PDE4D: variants seen among roughly 807,000 people sequenced by gnomAD.
PDE4D encodes the protein phosphodiesterase 4D.
A neutral mutation model predicts 87.4 loss-of-function variants in PDE4D; 24 were observed. The ratio of observed to expected loss-of-function variants is 0.27; its 90% CI spans 0.20 to 0.39. The LOEUF (loss-of-function observed/expected upper bound fraction) is 0.39, where lower values mean the gene tolerates loss of function less well. PDE4D is among the 10% of genes least tolerant of loss of function. PDE4D has a pLI of 1.00. For synonymous variants in PDE4D, 384 were observed against 383.2 expected, an observed-to-expected ratio of 1.00 and a Z score of -0.02; for missense variants, 714 against 1,041.0, an observed-to-expected ratio of 0.69 and a Z score of 4.32.
At position 60,014,091 on chromosome 5, in the gene PDE4D, T is replaced by A. The variant is rs569693027; in HGVS notation, c.43-25374A>T. 8.6e-3 allele frequency among the ~76,000 whole-genome samples: 826 copies of A among 96,400 alleles called. 9 individuals carry two copies. The highest frequency in any genetic ancestry group is 0.031 in the African/African-American group (773 of 25,156). 63.2% of individuals were successfully genotyped at this position (96,400 alleles called of 152,430 possible). ...CTGGCAACAGAGCAAGACTCCACCT[T>A]AAAAAAAAAAAAAAAAAAAAAAAGT... On this transcript the variant is annotated intron_variant, in intron 2 of 16. Transcript: ENST00000502484.
intron 6 of PDE4D, among the ~76,000 whole-genome samples, chr5:59,014,048 CAT>C (rs1345493960): frequency 3.3e-5 from 5 of 152,214 alleles, no homozygotes; most frequent in Non-Finnish European, 7.3e-5. Flanking sequence ...ACAAAAACCA[CAT>C]GATTATCTCA....
chr5:59,658,853 T>C (rs1447052426), intron 1 of PDE4D, among the ~76,000 whole-genome samples: 7 of 151,966 alleles, frequency 4.6e-5, no homozygotes, highest in Non-Finnish European at 1.0e-4. Flanking sequence ...TCAAGAAAAG[T>C]TTCAGCCAAG....
intron 1 of PDE4D, among the ~76,000 whole-genome samples, chr5:60,214,719 GC>G (rs1482045462): frequency 2.0e-5 from 3 of 152,014 alleles, no homozygotes; most frequent in Admixed American, 2.0e-4. Context: ...GAGGACAGAG[GC>G]CCTTATTGAT....
chr5:59,649,050 G>T (rs528868951), intron 1 of PDE4D, among the ~76,000 whole-genome samples: 1 of 152,264 alleles, frequency 6.6e-6, no homozygotes, highest in Non-Finnish European at 1.5e-5. Context: ...TAAATTCTAC[G>T]ATTCTATGAT....
At chr5:60,465,664 G>A (rs945435133) in intron 1 of PDE4D, among the ~76,000 whole-genome samples, 42 of 151,898 alleles carry the variant, frequency 2.8e-4, no homozygotes, top group Non-Finnish European at 4.4e-5. Context: ...ACTTACAGTG[G>A]GATTATGTCC....
chr5:60,107,875 A>G (rs1373946091), intron 2 of PDE4D, among the ~76,000 whole-genome samples: 1 of 152,188 alleles, frequency 6.6e-6, no homozygotes, highest in African/African-American at 2.4e-5. Flanking sequence ...AAGAAGACCT[A>G]TGTATGACAA....
intron 2 of PDE4D, among the ~76,000 whole-genome samples, chr5:59,201,583 T>G (rs1166004674): frequency 6.6e-6 from 1 of 152,186 alleles, no homozygotes; most frequent in African/African-American, 2.4e-5. Flanking sequence ...ACATAAAAAC[T>G]GTTTCCTTGG....
At chr5:60,301,716 C>T (rs1298006060) in intron 1 of PDE4D, among the ~76,000 whole-genome samples, 2 of 152,140 alleles carry the variant, frequency 1.3e-5, no homozygotes, top group South Asian at 2.1e-4. Flanking sequence ...CACCTGATTG[C>T]CCTGGCCAGA....
chr5:59,033,174 G>T (rs1016850621), intron 6 of PDE4D, among the ~76,000 whole-genome samples: 2 of 152,194 alleles, frequency 1.3e-5, no homozygotes, highest in Non-Finnish European at 2.9e-5. Flanking sequence ...TGTCATTGTA[G>T]TTGGTCACTG....
At chr5:59,457,371 C>T (rs1260733175) in intron 1 of PDE4D, among the ~76,000 whole-genome samples, 10 of 152,126 alleles carry the variant, frequency 6.6e-5, no homozygotes, top group African/African-American at 2.4e-4. Context: ...AAGGTATGCA[C>T]GTTGTCTTCT....
chr5:59,324,638 G>C (rs567674590), intron 1 of PDE4D, among the ~76,000 whole-genome samples: 2 of 152,224 alleles, frequency 1.3e-5, no homozygotes, highest in African/African-American at 4.8e-5. Flanking sequence ...GACATCTCGA[G>C]TTTACAGGAA....
chr5:60,453,930 G>A (rs1333827356), intron 1 of PDE4D, among the ~76,000 whole-genome samples: 2 of 152,094 alleles, frequency 1.3e-5, no homozygotes, highest in African/African-American at 4.8e-5. Flanking sequence ...AGACATACAT[G>A]TCTGTAACTT....
chr5:59,741,221 C>T (rs185353216), intron 1 of PDE4D, among the ~76,000 whole-genome samples: 1 of 152,284 alleles, frequency 6.6e-6, no homozygotes, highest in African/African-American at 2.4e-5. Context: ...ACCTTGGACA[C>T]TTTTCTGTGC....
intron 1 of PDE4D, among the ~76,000 whole-genome samples, chr5:59,502,662 TAGTGTGTGTG>T (rs1334647062): frequency 4.7e-4 from 52 of 111,508 alleles, no homozygotes; most frequent in African/African-American, 1.8e-3. Context: ...TTCCTTAAGG[TAGTGTGTGTG>T]TGTGTGTGTG....
At chr5:60,422,667 AT>A (rs1743238168) in intron 1 of PDE4D, among the ~76,000 whole-genome samples, 1 of 152,210 alleles carries the variant, frequency 6.6e-6, no homozygotes, top group Non-Finnish European at 1.5e-5. Context: ...TAACATCATA[AT>A]GACAGGATCA....
intron 2 of PDE4D, among the ~76,000 whole-genome samples, chr5:60,063,165 A>G (rs1337046024): frequency 5.7e-5 from 6 of 105,386 alleles, no homozygotes; most frequent in African/African-American, 1.1e-4. Context: ...AAGGAAAGAA[A>G]GAAAGAAAAA....
chr5:60,158,705 G>A (rs1266079456), intron 2 of PDE4D, among the ~76,000 whole-genome samples: 2 of 152,136 alleles, frequency 1.3e-5, no homozygotes, highest in African/African-American at 4.8e-5. Flanking sequence ...TGGGACCACA[G>A]GCCCCCGCCA....
At chr5:60,105,290 A>T (rs1241481852) in intron 2 of PDE4D, among the ~76,000 whole-genome samples, 1 of 152,200 alleles carries the variant, frequency 6.6e-6, no homozygotes, top group African/African-American at 2.4e-5. Context: ...AATGAAATGA[A>T]GCGAGAAGGG....
At chr5:60,024,390 G>A (rs1284043181) in intron 2 of PDE4D, among the ~76,000 whole-genome samples, 1 of 152,152 alleles carries the variant, frequency 6.6e-6, no homozygotes, top group African/African-American at 2.4e-5. Flanking sequence ...TAAGTCTAGA[G>A]ATTCTAACTT....
Sources: allele counts gnomAD v4.1 joint callset (sites outside exome capture counted in the v4.1 genomes callset), GRCh38; gene constraint gnomAD v4.1.1; transcripts MANE v1.5; gene names NCBI Gene and HGNC (gene_info 2026-07-23, HGNC 2026-07-21).